Variants in SERPINB9 observed in about 807,000 individuals in gnomAD.
SERPINB9 encodes the protein serpin B9.
Under a neutral mutation model 27.2 loss-of-function variants are expected in SERPINB9, and 20 were observed. That is an observed-to-expected ratio of 0.74 (90% confidence interval 0.52 to 1.07). The LOEUF is 1.07. SERPINB9 is among the 50% of genes least tolerant of loss of function. The pLI, the probability that SERPINB9 is intolerant of heterozygous loss-of-function variation, is 0.00. For synonymous variants in SERPINB9, 189 were observed against 180.0 expected (o/e 1.05, Z -0.40); for missense variants, 476 against 460.1 (o/e 1.03, Z -0.32).
intron 2 of SERPINB9, among the ~76,000 whole-genome samples, chr6:2,897,349 C>T (rs984621524): frequency 6.6e-6 from 1 of 151,946 alleles, no homozygotes; most frequent in African/African-American, 2.4e-5. Flanking sequence ...GCTGGTAATC[C>T]CAGCTACTTG....
chr6:2,892,325 T>G (rs1195501106), intron 5 of SERPINB9, among the ~76,000 whole-genome samples: 1 of 152,154 alleles, frequency 6.6e-6, no homozygotes, highest in Admixed American at 6.5e-5. Flanking sequence ...CAAATTTGTT[T>G]TGATTTAATT....
At position 2,892,050 on chromosome 6, in the gene SERPINB9, A is replaced by C. The variant is rs978272332; in HGVS notation, c.568-62T>G. The C allele has an allele frequency of 4.0e-6, 6 of 1,503,150 alleles. No individual in the cohort carries two copies. The African/African-American group carries it at 7.4e-5, about 19-fold the overall frequency. 93.1% of individuals were successfully genotyped at this position (1,503,150 alleles called of 1,614,324 possible). ...TTCAAAAGAGCTGCAGTTGCCTCCA[A>C]GAGTGTTTTCAGCACCTGTGATGGA... On this transcript the variant is annotated intron_variant, in intron 5 of 6. Coordinates refer to ENST00000380698, the MANE Select transcript of SERPINB9 (RefSeq NM_004155.6).
At chr6:2,902,195 C>T (rs1322859469) in intron 1 of SERPINB9, among the ~76,000 whole-genome samples, 1 of 152,222 alleles carries the variant, frequency 6.6e-6, no homozygotes. Flanking sequence ...GGCCCCATGT[C>T]CATCACGGCA....
chr6:2,898,347 C>G (rs768229984), intron 2 of SERPINB9, among the ~76,000 whole-genome samples: 2 of 152,158 alleles, frequency 1.3e-5, no homozygotes, highest in Non-Finnish European at 2.9e-5. Context: ...AGAACAGAAC[C>G]AAAAGCTAAG....
In SERPINB9 at chr6:2,890,059, C is replaced by T; in HGVS notation, c.*104G>A. The T allele has an allele frequency of 8.6e-7, 1 of 1,160,334 alleles. No individual in the cohort carries two copies. The highest frequency in any genetic ancestry group is 1.6e-5 in the South Asian group (1 of 64,244). The allele number at this position is 1,160,334 out of a possible 1,614,324, so 71.9% of individuals were successfully genotyped here. On this transcript the variant is annotated 3_prime_UTR_variant, in exon 7 of 7. Coordinates refer to ENST00000380698, the MANE Select transcript of SERPINB9 (RefSeq NM_004155.6). The surrounding 1 kb of genome is among the most constrained non-coding windows in gnomAD (Gnocchi z 6.2). Reference sequence around the variant, plus strand: ...AGGGCAGACAGGTAAAGAATCTGCCCTCATCTTTGCACTTGGCTTTCTAGG... The same window carrying T: ...AGGGCAGACAGGTAAAGAATCTGCCTTCATCTTTGCACTTGGCTTTCTAGG...
At chr6:2,898,706 C>T (rs933549507) in intron 2 of SERPINB9, among the ~76,000 whole-genome samples, 14 of 151,688 alleles carry the variant, frequency 9.2e-5, no homozygotes, top group African/African-American at 2.4e-4. Flanking sequence ...CCCAGCTACT[C>T]GGGAGGCTGA....
At chr6:2,902,044 A>G (rs1326231235) in intron 1 of SERPINB9, among the ~76,000 whole-genome samples, 1 of 151,924 alleles carries the variant, frequency 6.6e-6, no homozygotes, top group African/African-American at 2.4e-5. Flanking sequence ...TGGCCGCTCA[A>G]AGCCACCTTG....
chr6:2,893,053 C>CGTTTTTTTTTTTTTT (rs542385110), intron 5 of SERPINB9, among the ~76,000 whole-genome samples: 1 of 113,536 alleles, frequency 8.8e-6, no homozygotes, highest in African/African-American at 3.3e-5. Flanking sequence ...TACCTTAACA[C>CGTTTTTTTTTTTTTT]TTTTTTTTTT....
In SERPINB9 at chr6:2,894,940, C is replaced by A. The variant is rs7450723; in HGVS notation, c.424+451G>T. 9.1e-5 allele frequency among the ~76,000 whole-genome samples: 4 copies of A among 44,000 alleles called. No individual in the cohort carries two copies. The highest frequency in any genetic ancestry group is 7.7e-4 in the Admixed American group (3 of 3,900). The allele number at this position is 44,000 out of a possible 152,430, so 28.9% of individuals were successfully genotyped here. ...TTGTATTTTTAGTAGAGATGTTGGGCGGGGGGGGGTCCCACCATGTTGGTC... is the reference window on the plus strand; with the variant it reads ...TTGTATTTTTAGTAGAGATGTTGGGAGGGGGGGGGTCCCACCATGTTGGTC... On this transcript the variant is annotated intron_variant, in intron 4 of 6. Coordinates refer to ENST00000380698, the MANE Select transcript of SERPINB9 (RefSeq NM_004155.6). This position sits in a 1 kb window ranked among gnomAD's most constrained non-coding sequence, Gnocchi z 4.7.
intron 2 of SERPINB9, among the ~76,000 whole-genome samples, chr6:2,897,013 C>A (rs940255432): frequency 3.3e-5 from 5 of 151,294 alleles, no homozygotes; most frequent in Non-Finnish European, 2.9e-5. Context: ...GTGGTCCCAG[C>A]TACTTGGAAG....
chr6:2,896,768 C>T (rs1768013584), intron 2 of SERPINB9, among the ~76,000 whole-genome samples: 1 of 152,132 alleles, frequency 6.6e-6, no homozygotes. Context: ...AAATAAAATG[C>T]CAACAAAATG....
Position 2,891,991 on chromosome 6 carries a change from G to A in SERPINB9, c.568-3C>T. On this transcript the variant is annotated splice_region_variant and splice_polypyrimidine_tract_variant and intron_variant, in intron 5 of 6. Transcript: ENST00000380698. The surrounding 1 kb of genome is among the most constrained non-coding windows in gnomAD (Gnocchi z 4.0). ...ATCTGCACTGGCCTTTGCTCCTCCTGGGGGAAGGATTATTGAAAGACGCAA... is the reference window on the plus strand; with the variant it reads ...ATCTGCACTGGCCTTTGCTCCTCCTAGGGGAAGGATTATTGAAAGACGCAA... 6.2e-7 allele frequency: 1 copy of A among 1,612,838 alleles called. No homozygotes were observed. The highest frequency in any genetic ancestry group is 1.1e-5 in the South Asian group (1 of 91,028).
At chr6:2,899,909 T>G (rs1365588858) in intron 2 of SERPINB9, 3 of 456,666 alleles carry the variant, frequency 6.6e-6, no homozygotes, top group Non-Finnish European at 1.3e-5. Flanking sequence ...TTGAATCATT[T>G]CCACAGGTTC....
chr6:2,898,825 AAAG>A (rs1367556230), intron 2 of SERPINB9, among the ~76,000 whole-genome samples: 1 of 152,020 alleles, frequency 6.6e-6, no homozygotes, highest in African/African-American at 2.4e-5. Context: ...AAAAAAAAAA[AAAG>A]AAATAGGACT....
rs1767777948 is a variant in SERPINB9 at position 2,890,935 on chromosome 6, T to A, written c.724-365A>T. On this transcript the variant is annotated intron_variant, in intron 6 of 6. Transcript: ENST00000380698. This position sits in a 1 kb window ranked among gnomAD's most constrained non-coding sequence, Gnocchi z 6.2. The stretch of plus-strand genomic sequence containing the variant: ...AAACCATTGCTAGTAAAGAAAAGGA[T>A]TGGAAACGAAAGGGCTCTCAGTGTG... 6.6e-6 allele frequency among the ~76,000 whole-genome samples: 1 copy of A among 152,118 alleles called. No homozygotes were observed. Among genetic ancestry groups the A allele is most frequent in the South Asian group, 2.1e-4 (1 of 4,822 alleles).
chr6:2,890,501 C>T lies in SERPINB9; in HGVS notation c.793G>A (p.Val265Ile), dbSNP rs372083827. ...TKPDCMKSTEVEVLLPKFKLQ... is the reference protein window; with the variant it reads ...TKPDCMKSTEIEVLLPKFKLQ... ...TTAAATTTTGGAAGGAGAACTTCAA[C>T]CTCAGTACTCTTCATACAGTCTGGC... Residue 265 changes from valine to isoleucine, a missense_variant, in exon 7 of 7, where the codon GTT becomes ATT. Transcript: ENST00000380698. This position sits in a 1 kb window ranked among gnomAD's most constrained non-coding sequence, Gnocchi z 6.2. 1.1e-5 allele frequency: 17 copies of T among 1,614,060 alleles called. No individual in the cohort carries two copies. Among genetic ancestry groups the T allele is most frequent in the Non-Finnish European group, 1.4e-5 (17 of 1,180,030 alleles).
At chr6:2,897,543 T>C (rs368186018) in intron 2 of SERPINB9, among the ~76,000 whole-genome samples, 5 of 152,220 alleles carry the variant, frequency 3.3e-5, no homozygotes, top group Admixed American at 1.3e-4. Context: ...ATATGGGTGA[T>C]ATATATTAGA....
chr6:2,893,337 A>G (rs1767889015), intron 5 of SERPINB9, 74 bp downstream of exon 5: 8 of 1,477,990 alleles, frequency 5.4e-6, no homozygotes, highest in African/African-American at 1.4e-5. Flanking sequence ...TATGTCACTT[A>G]CACTTTTACA....
At chr6:2,899,962 G>A (rs1458269287) in intron 2 of SERPINB9, 1 of 454,182 alleles carries the variant, frequency 2.2e-6, no homozygotes, top group East Asian at 6.9e-5. Context: ...CCTGCACAGT[G>A]TGCAGCTGTA....
Sources: gnomAD v4.1 joint callset for allele counts (sites outside exome capture counted in the v4.1 genomes callset) on GRCh38, gnomAD v4.1.1 for gene constraint, Gnocchi (gnomAD v3.1) non-coding constraint, MANE v1.5 for transcripts, NCBI Gene and HGNC (gene_info 2026-07-23, HGNC 2026-07-21) for gene names.